FHIP1A: variants seen among roughly 807,000 people sequenced by gnomAD.
FHIP1A encodes the protein FHF complex subunit HOOK interacting protein 1A.
FHIP1A carries 61 observed loss-of-function variants against 88.6 expected under a neutral mutation model. The observed-to-expected ratio is 0.69, with a 90% CI of 0.56 to 0.85. The LOEUF (loss-of-function observed/expected upper bound fraction) is 0.85, where lower values mean the gene tolerates loss of function less well. Among genes scored for constraint, FHIP1A ranks in the 40% least tolerant of loss-of-function variants. The pLI is 0.00. For synonymous variants in FHIP1A, 478 were observed against 496.0 expected (o/e 0.96, Z 0.48); for missense variants, 1,154 against 1,273.5 (o/e 0.91, Z 1.43).
chr4:151,634,264 G>A (rs1478071390), intron 8 of FHIP1A, among the ~76,000 whole-genome samples: 1 of 151,644 alleles, frequency 6.6e-6, no homozygotes, highest in Non-Finnish European at 1.5e-5. Context: ...AGAAATGAAA[G>A]AAGAACAAAT....
At chr4:151,428,361 A>T (rs1327419896) in intron 1 of FHIP1A, among the ~76,000 whole-genome samples, 1 of 152,188 alleles carries the variant, frequency 6.6e-6, no homozygotes, top group East Asian at 1.9e-4. Flanking sequence ...ACTCTTTGGC[A>T]AAACCAAAGC....
intron 2 of FHIP1A, among the ~76,000 whole-genome samples, chr4:151,473,295 A>T (rs2126621294): frequency 6.6e-6 from 1 of 152,080 alleles, no homozygotes; most frequent in East Asian, 1.9e-4. Context: ...ATTAAGGTGA[A>T]TTTTTTCTCA....
At chr4:151,608,389 A>G (rs900491715) in intron 7 of FHIP1A, among the ~76,000 whole-genome samples, 2 of 150,540 alleles carry the variant, frequency 1.3e-5, no homozygotes, top group African/African-American at 2.4e-5. Flanking sequence ...TGTGGTATCA[A>G]CTCAGTTGCT....
At chr4:151,545,804 T>C (rs574760205) in intron 3 of FHIP1A, among the ~76,000 whole-genome samples, 1 of 152,174 alleles carries the variant, frequency 6.6e-6, no homozygotes. Context: ...TTAAAAAAAT[T>C]GAAAAAGAAA....
intron 6 of FHIP1A, among the ~76,000 whole-genome samples, chr4:151,587,501 C>CTT (rs34464145): frequency 1.3e-5 from 2 of 149,168 alleles, no homozygotes. Flanking sequence ...AGTTTTCTTT[C>CTT]TTTTTTTTTC....
intron 3 of FHIP1A, among the ~76,000 whole-genome samples, chr4:151,535,832 T>G (rs890829497): frequency 1.3e-5 from 2 of 152,250 alleles, no homozygotes; most frequent in Non-Finnish European, 2.9e-5. Flanking sequence ...TTTTGATGAC[T>G]AGGTAGAACT....
chr4:151,626,539 G>A (rs1001476633), intron 7 of FHIP1A, among the ~76,000 whole-genome samples: 5 of 152,106 alleles, frequency 3.3e-5, no homozygotes, highest in Admixed American at 2.6e-4. Context: ...TGGACACTGA[G>A]TTTTCTTTAG....
intron 3 of FHIP1A, among the ~76,000 whole-genome samples, chr4:151,564,086 G>A (rs557217148): frequency 1.3e-5 from 2 of 152,290 alleles, no homozygotes; most frequent in Middle Eastern, 3.4e-3. Flanking sequence ...CATTCTCACC[G>A]TTTCTGAGAA....
At chr4:151,441,716 G>A (rs1466067160) in intron 1 of FHIP1A, among the ~76,000 whole-genome samples, 1 of 152,154 alleles carries the variant, frequency 6.6e-6, no homozygotes, top group Non-Finnish European at 1.5e-5. Context: ...TTCCATGTAT[G>A]TAAAAACACC....
intron 1 of FHIP1A, among the ~76,000 whole-genome samples, chr4:151,416,468 A>T (rs1427241086): frequency 4.6e-5 from 7 of 152,206 alleles, no homozygotes; most frequent in African/African-American, 1.2e-4. Flanking sequence ...TAATTTCTAT[A>T]CACACATACA....
chr4:151,655,105 G>T (rs991354859), intron 11 of FHIP1A, among the ~76,000 whole-genome samples: 1 of 152,216 alleles, frequency 6.6e-6, no homozygotes, highest in African/African-American at 2.4e-5. Flanking sequence ...TTGTGATGAA[G>T]TATGTTTTTG....
At chr4:151,425,497 AG>A (rs1733329337) in intron 1 of FHIP1A, among the ~76,000 whole-genome samples, 2 of 152,220 alleles carry the variant, frequency 1.3e-5, no homozygotes, top group Admixed American at 1.3e-4. Flanking sequence ...AGATAAATTA[AG>A]GGACTATTTT....
intron 3 of FHIP1A, among the ~76,000 whole-genome samples, chr4:151,524,816 G>A (rs947578598): frequency 1.3e-5 from 2 of 152,188 alleles, no homozygotes. Flanking sequence ...TATGGTTGGG[G>A]GCAGGGAGGA....
intron 8 of FHIP1A, among the ~76,000 whole-genome samples, chr4:151,636,030 T>C (rs1004002416): frequency 1.3e-5 from 2 of 151,922 alleles, no homozygotes; most frequent in East Asian, 3.8e-4. Context: ...ACGGGAAAAC[T>C]CTACACTAAC....
chr4:151,527,258 C>G (rs994320843), intron 3 of FHIP1A, among the ~76,000 whole-genome samples: 1 of 152,228 alleles, frequency 6.6e-6, no homozygotes, highest in Non-Finnish European at 1.5e-5. Flanking sequence ...GAACGAGACT[C>G]CGTCTGCAAT....
At chr4:151,638,649 A>C (rs1013348622) in intron 8 of FHIP1A, 28 bp from the exon 9 acceptor site, 1 of 1,414,040 alleles carries the variant, frequency 7.1e-7, no homozygotes, top group African/African-American at 1.4e-5. Context: ...CAACATCTGA[A>C]CTAGAATGTG....
At chr4:151,411,292 A>G (rs1164608505) in intron 1 of FHIP1A, among the ~76,000 whole-genome samples, 1 of 151,782 alleles carries the variant, frequency 6.6e-6, no homozygotes, top group Non-Finnish European at 1.5e-5. Context: ...ATGTAGAGAT[A>G]TGGAGGTAAA....
intron 1 of FHIP1A, among the ~76,000 whole-genome samples, chr4:151,412,190 G>T (rs1262828229): frequency 6.6e-6 from 1 of 151,198 alleles, no homozygotes; most frequent in African/African-American, 2.4e-5. Context: ...TGCAACCTCT[G>T]CCTCCCAGTT....
intron 7 of FHIP1A, among the ~76,000 whole-genome samples, chr4:151,595,952 C>T (rs1734630836): frequency 6.6e-6 from 1 of 152,166 alleles, no homozygotes. Context: ...GAATACAGCA[C>T]ACTGATGGGT....
Sources: allele counts gnomAD v4.1 joint callset (sites outside exome capture counted in the v4.1 genomes callset), GRCh38; gene constraint gnomAD v4.1.1; transcripts MANE v1.5; gene names NCBI Gene and HGNC (gene_info 2026-07-23, HGNC 2026-07-21).